The following WLS variants were observed in gnomAD, a reference collection of about 807,000 sequenced individuals.
WLS encodes the protein Wnt ligand secretion mediator.
Under a neutral mutation model 62.8 loss-of-function variants are expected in WLS, and 23 were observed. The ratio of observed to expected loss-of-function variants is 0.37; its 90% confidence interval spans 0.26 to 0.52. The LOEUF (loss-of-function observed/expected upper bound fraction) is 0.52. Among genes scored for constraint, WLS ranks in the 20% least tolerant of loss-of-function variants. The pLI, the probability that WLS is intolerant of heterozygous loss-of-function variation, is 0.92. For missense variants in WLS, 615 were observed against 697.3 expected (o/e 0.88, Z 1.33); for synonymous variants, 246 against 244.1 (o/e 1.01, Z -0.07).
At chr1:68,163,053 T>A (rs368790439) in intron 2 of WLS, 146 of 1,577,854 alleles carry the variant, frequency 9.3e-5, no homozygotes, top group Admixed American at 1.5e-4. Context: ...TCTGTCCAAT[T>A]GCTGTCTCTT....
At chr1:68,218,862 C>T (rs1649837307) in intron 1 of WLS, among the ~76,000 whole-genome samples, 1 of 152,188 alleles carries the variant, frequency 6.6e-6, no homozygotes, top group Non-Finnish European at 1.5e-5. Flanking sequence ...CTGTCAAGGG[C>T]ATTTATAAAA....
chr1:68,146,120 T>C (rs1646750048), intron 8 of WLS, 108 bp from the exon 9 acceptor site: 5 of 1,306,542 alleles, frequency 3.8e-6, no homozygotes, highest in African/African-American at 3.0e-5. Flanking sequence ...TCTCCAAATA[T>C]GTAGAAAATT....
intron 10 of WLS, chr1:68,142,870 AG>A: frequency 6.6e-6 from 1 of 152,228 alleles, no homozygotes; most frequent in Non-Finnish European, 1.5e-5. Flanking sequence ...AAACTAGAAT[AG>A]AAAAAATTAT....
At chr1:68,162,094 A>G (rs2100508325) in intron 2 of WLS, 1 of 1,565,164 alleles carries the variant, frequency 6.4e-7, no homozygotes, top group African/African-American at 1.4e-5. Flanking sequence ...TGCCTCCCTC[A>G]TCTCCAGTGA....
rs529310102 is a variant in WLS, at chr1:68,157,020, G to C, written c.505-1760C>G. On this transcript the variant is annotated intron_variant, in intron 3 of 11. Coordinates refer to ENST00000262348, the MANE Select transcript of WLS (RefSeq NM_024911.7). ...AACCTACTTAGTCTAATTCCATCTG[G>C]TGTGTGTCTCGCCCAGGGTCCCAAA... is the stretch of plus-strand genomic sequence containing the variant. Among the ~76,000 whole-genome samples the C allele has an allele frequency of 7.9e-5, 12 of 152,312 alleles. No individual in the cohort carries two copies. In the South Asian group the frequency reaches 2.5e-3, roughly 32 times the overall value.
intron 2 of WLS, chr1:68,162,677 T>C (rs1391114526): frequency 2.4e-6 from 3 of 1,236,916 alleles, no homozygotes; most frequent in Admixed American, 3.6e-5. Flanking sequence ...ATGTGGCAGA[T>C]GGTAGAGTCC....
intron 5 of WLS, 132 bp from the exon 6 acceptor site, chr1:68,150,488 T>G: frequency 4.9e-6 from 6 of 1,228,712 alleles, no homozygotes; most frequent in Non-Finnish European, 6.8e-6. Flanking sequence ...CAATTTCTTC[T>G]GCACAGAGAT....
intron 10 of WLS, among the ~76,000 whole-genome samples, chr1:68,139,530 T>C (rs1204196625): frequency 6.6e-6 from 1 of 152,200 alleles, no homozygotes; most frequent in Non-Finnish European, 1.5e-5. Flanking sequence ...GCATCCTAGC[T>C]GCAAGAGAGA....
At chr1:68,171,466 G>GA (rs958083806) in intron 2 of WLS, among the ~76,000 whole-genome samples, 68 of 149,192 alleles carry the variant, frequency 4.6e-4, no homozygotes, top group African/African-American at 1.4e-3. Flanking sequence ...AAATTTACAA[G>GA]AAAAAAAAAC....
Position 68,137,928 on chromosome 1 carries a change from C to G in WLS, c.1368G>C (p.Thr456=). 1 of 1,613,750 alleles carries G rather than the reference C, an allele frequency of 6.2e-7. No homozygotes were observed. Among genetic ancestry groups the G allele is most frequent in the Non-Finnish European group, 8.5e-7 (1 of 1,179,774 alleles). Residue 456 remains threonine, a synonymous_variant, in exon 11 of 12, where the codon ACG becomes ACC. Transcript: ENST00000262348. ...CGCCGCCCCATTTCCAATGGCCTTC[C>G]GTTACCTGCGGAGAAAGGATGGTGA... The part of the protein sequence containing the change: ...TVIFFIVSQV[T]EGHWKWGGVT...
intron 11 of WLS, among the ~76,000 whole-genome samples, chr1:68,100,236 G>A (rs1646059297): frequency 6.6e-6 from 1 of 152,228 alleles, no homozygotes; most frequent in African/African-American, 2.4e-5. Flanking sequence ...CCACAAGTTA[G>A]TTGAGGATCC....
intron 11 of WLS, among the ~76,000 whole-genome samples, chr1:68,100,431 A>G (rs994310593): frequency 7.2e-5 from 11 of 152,216 alleles, no homozygotes; most frequent in African/African-American, 2.7e-4. Flanking sequence ...GACAGAGAGC[A>G]AAGAATAAAT....
At chr1:68,161,682 C>CT in intron 2 of WLS, 4 of 1,104,142 alleles carry the variant, frequency 3.6e-6, no homozygotes, top group Non-Finnish European at 5.4e-6. Flanking sequence ...TATTCTTTTT[C>CT]TCTTAGTTCA....
At chr1:68,167,211 ACT>A (rs1647072406) in intron 2 of WLS, among the ~76,000 whole-genome samples, 2 of 152,278 alleles carry the variant, frequency 1.3e-5, no homozygotes, top group South Asian at 4.1e-4. Context: ...GGGAAGTGAA[ACT>A]CTTATCCTTA....
chr1:68,126,681 C>T (rs1184159858), intron 11 of WLS, among the ~76,000 whole-genome samples: 1 of 152,132 alleles, frequency 6.6e-6, no homozygotes, highest in Admixed American at 6.5e-5. Context: ...TTAATCCTCG[C>T]AGAAGCCCTC....
At chr1:68,167,696 A>C (rs1647081232) in intron 2 of WLS, among the ~76,000 whole-genome samples, 1 of 152,180 alleles carries the variant, frequency 6.6e-6, no homozygotes, top group Admixed American at 6.5e-5. Flanking sequence ...CTATACCAGC[A>C]GCTTTGGTAT....
In WLS at chr1:68,162,710, A is replaced by C; in HGVS notation, c.380-3463T>G. The C allele has an allele frequency of 2.5e-6, 3 of 1,202,294 alleles. No individual in the cohort carries two copies. The Admixed American group carries it at 5.3e-5, about 21-fold the overall frequency. 74.5% of individuals were successfully genotyped at this position (1,202,294 alleles called of 1,614,324 possible). A position where few individuals can be genotyped will look rare whatever the true frequency, so the allele number is the denominator to read the frequency against. Reference sequence around the variant, plus strand: ...TCCGGTGTCTCTTCCACGGCTGCAGACGGGATATTGCACACAGCAATTCCG... The same window carrying C: ...TCCGGTGTCTCTTCCACGGCTGCAGCCGGGATATTGCACACAGCAATTCCG... On this transcript the variant is annotated intron_variant, in intron 2 of 11. Transcript: ENST00000262348.
intron 11 of WLS, among the ~76,000 whole-genome samples, chr1:68,127,462 GA>G (rs1646450621): frequency 6.6e-6 from 1 of 152,076 alleles, no homozygotes; most frequent in African/African-American, 2.4e-5. Flanking sequence ...ATTAGTAGGA[GA>G]AAAAAATTTT....
chr1:68,147,553 T>C (rs967589673), intron 8 of WLS, among the ~76,000 whole-genome samples: 1 of 152,208 alleles, frequency 6.6e-6, no homozygotes, highest in Non-Finnish European at 1.5e-5. Flanking sequence ...ATAAAATATT[T>C]AAATCCAGCA....
Sources: gnomAD v4.1 joint callset for allele counts (sites outside exome capture counted in the v4.1 genomes callset) on GRCh38, gnomAD v4.1.1 for gene constraint, MANE v1.5 for transcripts, NCBI Gene and HGNC (gene_info 2026-07-23, HGNC 2026-07-21) for gene names.